The following SH2D4A variants were observed in gnomAD, a reference collection of about 807,000 sequenced individuals.
The protein encoded by SH2D4A is SH2 domain-containing protein 4A.
Under a neutral mutation model 64.7 loss-of-function variants are expected in SH2D4A, and 70 were observed. The ratio of observed to expected loss-of-function variants is 1.08; its 90% CI spans 0.89 to 1.32. The LOEUF is 1.32. Ranked by LOEUF, SH2D4A falls within the 40% of genes most tolerant of loss-of-function variation. SH2D4A has a pLI of 0.00. For synonymous variants in SH2D4A, 268 were observed against 200.7 expected (o/e 1.34, Z -2.83); for missense variants, 706 against 540.1 (o/e 1.31, Z -3.04).
chr8:19,342,914 C>T (rs1053800228), intron 4 of SH2D4A, among the ~76,000 whole-genome samples: 1 of 152,086 alleles, frequency 6.6e-6, no homozygotes, highest in Non-Finnish European at 1.5e-5. Flanking sequence ...AATCTACTTT[C>T]CGGGACACCT....
rs749252909 is a variant in SH2D4A at position 19,319,211 on chromosome 8, TTTC to T, written c.-204-125_-204-123del. 3.4e-4 allele frequency: 179 copies of T among 530,800 alleles called. 1 individual carries two copies. In the East Asian group the frequency reaches 8.1e-3, roughly 24 times the overall value. 32.9% of individuals were successfully genotyped at this position (530,800 alleles called of 1,614,324 possible). On this transcript the variant is annotated intron_variant, in intron 1 of 9. Coordinates refer to ENST00000265807, the MANE Select transcript of SH2D4A (RefSeq NM_022071.4). ...ACTCTTAACAAAGTGTGCCTCAGAT[TTTC>T]TTCTTCTCTTTTCTCTCTGAACTGA...
intron 2 of SH2D4A, among the ~76,000 whole-genome samples, chr8:19,323,963 G>A (rs868429677): frequency 1.8e-4 from 28 of 152,148 alleles, no homozygotes; most frequent in African/African-American, 6.8e-4. Context: ...TAGATCCTGG[G>A]TCTCATTCTC....
At position 19,341,799 on chromosome 8, in the gene SH2D4A, G is replaced by T. The variant is rs184644235; in HGVS notation, c.513+6942G>T. Among the ~76,000 whole-genome samples, 3 of 145,146 alleles carry T rather than the reference G, an allele frequency of 2.1e-5. No homozygotes were observed. The Admixed American group carries it at 2.2e-4, about 11-fold the overall frequency. ...AGAAGTTGCAGCGAGCTATGATCACGCTACCCAACTCTAGCCCGGGTGACA... is the reference window on the plus strand; with the variant it reads ...AGAAGTTGCAGCGAGCTATGATCACTCTACCCAACTCTAGCCCGGGTGACA... On this transcript the variant is annotated intron_variant, in intron 4 of 9. Transcript: ENST00000265807.
rs541934551 is a variant in SH2D4A, at chr8:19,337,187, G to T, written c.513+2330G>T. Among the ~76,000 whole-genome samples the T allele has an allele frequency of 3.0e-4, 45 of 152,228 alleles. No individual in the cohort carries two copies. In the South Asian group the frequency reaches 9.3e-3, roughly 32 times the overall value. ...CTTTCCCTGTGTCAGAGAAGATGCTGTCAGGGGCTCCTGTGGTATTTGCTG... is the reference window on the plus strand; with the variant it reads ...CTTTCCCTGTGTCAGAGAAGATGCTTTCAGGGGCTCCTGTGGTATTTGCTG... On this transcript the variant is annotated intron_variant, in intron 4 of 9. Coordinates refer to ENST00000265807, the MANE Select transcript of SH2D4A (RefSeq NM_022071.4).
chr8:19,376,852 A>T (rs1007458014), intron 8 of SH2D4A, among the ~76,000 whole-genome samples: 2 of 152,154 alleles, frequency 1.3e-5, no homozygotes, highest in African/African-American at 4.8e-5. Flanking sequence ...AAGTTCTCAG[A>T]ATGTAATCAG....
chr8:19,355,152 G>A (rs866938948), intron 4 of SH2D4A, among the ~76,000 whole-genome samples: 2 of 151,912 alleles, frequency 1.3e-5, no homozygotes, highest in Admixed American at 6.6e-5. Context: ...CAATACTTGC[G>A]GGAGTATTAA....
At chr8:19,348,951 G>A (rs1046366546) in intron 4 of SH2D4A, among the ~76,000 whole-genome samples, 2 of 152,070 alleles carry the variant, frequency 1.3e-5, no homozygotes, top group Non-Finnish European at 2.9e-5. Context: ...GGGAGGCAAG[G>A]GGGTTCACAC....
At chr8:19,331,210 C>T (rs1316516947) in intron 2 of SH2D4A, among the ~76,000 whole-genome samples, 1 of 152,180 alleles carries the variant, frequency 6.6e-6, no homozygotes. Context: ...CCCAAGGCCA[C>T]AGTACAAAAG....
chr8:19,386,371 T>C (rs2053391650), intron 8 of SH2D4A, among the ~76,000 whole-genome samples: 1 of 152,238 alleles, frequency 6.6e-6, no homozygotes, highest in African/African-American at 2.4e-5. Context: ...AAGCTGACTT[T>C]TCTCATAAAT....
chr8:19,387,410 T>C (rs2053409161), intron 8 of SH2D4A, among the ~76,000 whole-genome samples: 1 of 151,772 alleles, frequency 6.6e-6, no homozygotes, highest in South Asian at 2.1e-4. Context: ...TAATAGTTTT[T>C]GTTGTTCTTT....
intron 8 of SH2D4A, among the ~76,000 whole-genome samples, chr8:19,381,081 G>GTTTTTTTT: frequency 6.7e-6 from 1 of 149,122 alleles, no homozygotes; most frequent in Non-Finnish European, 1.5e-5. Context: ...TTGCTCTGTT[G>GTTTTTTTT]CCTAGGCTGG....
At chr8:19,345,272 C>T (rs1323105845) in intron 4 of SH2D4A, among the ~76,000 whole-genome samples, 2 of 152,194 alleles carry the variant, frequency 1.3e-5, no homozygotes, top group Non-Finnish European at 2.9e-5. Context: ...TAGGAGTTCA[C>T]GGTACAGATG....
intron 5 of SH2D4A, among the ~76,000 whole-genome samples, chr8:19,359,363 T>A (rs2052843284): frequency 6.6e-6 from 1 of 152,214 alleles, no homozygotes; most frequent in South Asian, 2.1e-4. Context: ...ATATTTTTTC[T>A]TAGGTAGAAT....
chr8:19,328,771 T>C (rs906797765), intron 2 of SH2D4A, among the ~76,000 whole-genome samples: 5 of 152,202 alleles, frequency 3.3e-5, no homozygotes, highest in African/African-American at 1.2e-4. Context: ...AATAATACAC[T>C]GTGAGCATTT....
At chr8:19,373,099 T>G (rs1330939566) in intron 7 of SH2D4A, among the ~76,000 whole-genome samples, 1 of 152,158 alleles carries the variant, frequency 6.6e-6, no homozygotes, top group Non-Finnish European at 1.5e-5. Context: ...TTATAATTCC[T>G]ATACAAATGA....
At chr8:19,323,665 G>A (rs997475367) in intron 2 of SH2D4A, among the ~76,000 whole-genome samples, 3 of 152,208 alleles carry the variant, frequency 2.0e-5, no homozygotes, top group African/African-American at 4.8e-5. Context: ...ACAGGTGTGA[G>A]CCAGGGCACC....
chr8:19,374,117 G>A (rs2053156366), intron 8 of SH2D4A, among the ~76,000 whole-genome samples: 1 of 152,194 alleles, frequency 6.6e-6, no homozygotes, highest in Non-Finnish European at 1.5e-5. Context: ...TTCCCCATCT[G>A]TTAAATGAAG....
At chr8:19,355,592 G>A (rs1022190025) in intron 4 of SH2D4A, among the ~76,000 whole-genome samples, 6 of 152,168 alleles carry the variant, frequency 3.9e-5, no homozygotes, top group Non-Finnish European at 1.5e-5. Context: ...AGTGGAAAAA[G>A]CATAAACTCT....
intron 7 of SH2D4A, among the ~76,000 whole-genome samples, chr8:19,370,021 C>A (rs928280349): frequency 2.6e-5 from 4 of 151,922 alleles, no homozygotes; most frequent in African/African-American, 7.2e-5. Flanking sequence ...CATTTTCATT[C>A]GTCTCAAGAA....
Sources: gnomAD v4.1 joint callset for allele counts (sites outside exome capture counted in the v4.1 genomes callset) on GRCh38, gnomAD v4.1.1 for gene constraint, MANE v1.5 for transcripts, NCBI Gene and HGNC (gene_info 2026-07-23, HGNC 2026-07-21) for gene names.